Variants in GRM7 observed in about 807,000 individuals in gnomAD.
The protein encoded by GRM7 is glutamate metabotropic receptor 7.
Under a neutral mutation model 84.5 loss-of-function variants are expected in GRM7, and 35 were observed. That is an observed-to-expected ratio of 0.41 (90% CI 0.32 to 0.55). The LOEUF is 0.55. Ranked by LOEUF, GRM7 falls within the 20% of genes least tolerant of loss-of-function variation. The pLI is 0.19. For synonymous variants in GRM7, 487 were observed against 455.1 expected, an observed-to-expected ratio of 1.07 and a Z score of -0.89; for missense variants, 1,003 against 1,194.6, an observed-to-expected ratio of 0.84 and a Z score of 2.36.
At chr3:7,238,444 C>G (rs1331070012) in intron 2 of GRM7, among the ~76,000 whole-genome samples, 1 of 152,118 alleles carries the variant, frequency 6.6e-6, no homozygotes, top group Non-Finnish European at 1.5e-5. Flanking sequence ...TTTTTCACCA[C>G]TCCCCACTGT....
rs560037463 is a variant in GRM7 at position 7,277,749 on chromosome 3, G to A, written c.737-20935G>A. 3.0e-4 allele frequency among the ~76,000 whole-genome samples: 45 copies of A among 151,752 alleles called. No individual in the cohort carries two copies. In the East Asian group the frequency reaches 4.6e-3, roughly 16 times the overall value. On this transcript the variant is annotated intron_variant, in intron 2 of 9. Coordinates refer to ENST00000357716, the MANE Select transcript of GRM7 (RefSeq NM_000844.4). ...TTTGTACAGGTTGTTTTTGGATTAC[G>A]GTATGTTAAAATGGAAATGAAAGAT...
chr3:7,184,072 A>G (rs1263532717), intron 2 of GRM7, among the ~76,000 whole-genome samples: 1 of 152,162 alleles, frequency 6.6e-6, no homozygotes, highest in Non-Finnish European at 1.5e-5. Flanking sequence ...TAGTCTTATG[A>G]CAAGGAGGAG....
intron 8 of GRM7, among the ~76,000 whole-genome samples, chr3:7,653,913 T>C (rs1251965837): frequency 6.6e-6 from 1 of 152,036 alleles, no homozygotes; most frequent in Non-Finnish European, 1.5e-5. Context: ...GGGGCCAGGG[T>C]TCTAAGACCA....
chr3:7,370,407 T>G (rs561091973), intron 4 of GRM7, among the ~76,000 whole-genome samples: 1 of 152,124 alleles, frequency 6.6e-6, no homozygotes, highest in East Asian at 1.9e-4. Flanking sequence ...GAATTGTAGT[T>G]CCCATAATTC....
At chr3:7,129,644 G>A (rs781178770) in intron 1 of GRM7, among the ~76,000 whole-genome samples, 1 of 152,002 alleles carries the variant, frequency 6.6e-6, no homozygotes, top group African/African-American at 2.4e-5. Flanking sequence ...CTGCTTGAGA[G>A]ATGAGTTCAT....
At position 6,862,846 on chromosome 3, in the gene GRM7, C is replaced by A. The variant is rs1284311170; in HGVS notation, c.519+939C>A. 3.0e-6 allele frequency: 1 copy of A among 331,306 alleles called. No individual in the cohort carries two copies. The highest frequency in any genetic ancestry group is 6.0e-6 in the Non-Finnish European group (1 of 166,164). 20.5% of individuals were successfully genotyped at this position (331,306 alleles called of 1,614,324 possible). On this transcript the variant is annotated intron_variant, in intron 1 of 9. Transcript: ENST00000357716. This position sits in a 1 kb window ranked among gnomAD's most constrained non-coding sequence, Gnocchi z 5.2. ...TTGGGAGGCAGAGGGGTGCGTGAAG[C>A]GGGGCCCCGTGGTCCTCCTGCTCCG...
rs1328325194 is a variant in GRM7 at position 7,740,620 on chromosome 3, GC to G, written c.*216del. 1 of 410,418 alleles carries G rather than the reference GC, an allele frequency of 2.4e-6. No homozygotes were observed. Among genetic ancestry groups the G allele is most frequent in the African/African-American group, 2.1e-5 (1 of 48,156 alleles). 25.4% of individuals were successfully genotyped at this position (410,418 alleles called of 1,614,324 possible). ...TTAATAAGTCACTGACATCAGCACTGCCAACTCGGCTGCAATTGTGGACCTT... is the reference window on the plus strand; with the variant it reads ...TTAATAAGTCACTGACATCAGCACTGCAACTCGGCTGCAATTGTGGACCTT... On this transcript the variant is annotated 3_prime_UTR_variant, in exon 10 of 10. Transcript: ENST00000357716.
chr3:7,233,372 C>G (rs958611383), intron 2 of GRM7, among the ~76,000 whole-genome samples: 2 of 152,086 alleles, frequency 1.3e-5, no homozygotes, highest in African/African-American at 4.8e-5. Flanking sequence ...ATATCAGTGA[C>G]TAATCCTCTA....
intron 5 of GRM7, among the ~76,000 whole-genome samples, chr3:7,429,479 T>C (rs1362969950): frequency 6.6e-6 from 1 of 152,186 alleles, no homozygotes; most frequent in African/African-American, 2.4e-5. Flanking sequence ...ACTTGCAAGG[T>C]TGAATATTTT....
rs151312130 is a variant in GRM7 at position 7,411,274 on chromosome 3, A to G, written c.1034-3749A>G. 5.0e-3 allele frequency among the ~76,000 whole-genome samples: 756 copies of G among 152,316 alleles called. 4 individuals carry two copies. Among genetic ancestry groups the G allele is most frequent in the Admixed American group, 6.3e-3 (96 of 15,294 alleles). On this transcript the variant is annotated intron_variant, in intron 4 of 9. Coordinates refer to ENST00000357716, the MANE Select transcript of GRM7 (RefSeq NM_000844.4). ...ATTCACAAGTTTAGGGGGTTAGGAC[A>G]TGGACATTTTTTAAGAGCCAAATTT...
chr3:7,337,953 A>G (rs1400936947), intron 4 of GRM7, among the ~76,000 whole-genome samples: 1 of 152,004 alleles, frequency 6.6e-6, no homozygotes, highest in Non-Finnish European at 1.5e-5. Context: ...TTGCACATGC[A>G]TGTTTATAGT....
chr3:7,660,794 T>A (rs971887607), intron 8 of GRM7, among the ~76,000 whole-genome samples: 1 of 151,636 alleles, frequency 6.6e-6, no homozygotes, highest in East Asian at 1.9e-4. Flanking sequence ...TCATTAGAAC[T>A]GAGTAGAGTC....
rs775987331 is a variant in GRM7, at chr3:7,074,666, T to C, written c.520-71786T>C. ...ATTGTATTTTTACTTTGTTCTATAA[T>C]AATCAGTGACAGGCTGGAGAATTTA... On this transcript the variant is annotated intron_variant, in intron 1 of 9. Transcript: ENST00000357716. Among the ~76,000 whole-genome samples the C allele has an allele frequency of 6.6e-5, 10 of 152,342 alleles. No homozygotes were observed. The South Asian group carries it at 1.0e-3, about 16-fold the overall frequency.
In GRM7 at chr3:7,613,799, G is replaced by C. The variant is rs577110881; in HGVS notation, c.2451+34442G>C. ...TCAAGACCTCACATTTTAATATTTT[G>C]ACAGATATACATACTGTATCTTGTA... On this transcript the variant is annotated intron_variant, in intron 8 of 9. Coordinates refer to ENST00000357716, the MANE Select transcript of GRM7 (RefSeq NM_000844.4). Among the ~76,000 whole-genome samples, 10 of 152,168 alleles carry C rather than the reference G, an allele frequency of 6.6e-5. No individual in the cohort carries two copies. In the South Asian group the frequency reaches 1.9e-3, roughly 28 times the overall value.
chr3:6,950,695 G>A (rs562690060), intron 1 of GRM7, among the ~76,000 whole-genome samples: 2 of 152,324 alleles, frequency 1.3e-5, no homozygotes, highest in Admixed American at 1.3e-4. Context: ...GAGCTGTGGT[G>A]GGCTCCACCC....
Position 6,890,779 on chromosome 3 carries a change from G to C in GRM7, c.519+28872G>C, listed in dbSNP as rs147898203. Among the ~76,000 whole-genome samples the C allele has an allele frequency of 4.9e-3, 739 of 151,570 alleles. 6 individuals are homozygous for C. The highest frequency in any genetic ancestry group is 0.017 in the African/African-American group (682 of 41,288). On this transcript the variant is annotated intron_variant, in intron 1 of 9. Transcript: ENST00000357716. ...GGTGTAGAGCTGAGTTCAATTCCTG[G>C]GTATCCTTGTTAAATTTCTGTCTCG...
chr3:6,913,160 A>G (rs956071126), intron 1 of GRM7, among the ~76,000 whole-genome samples: 3 of 152,268 alleles, frequency 2.0e-5, no homozygotes, highest in Admixed American at 1.3e-4. Context: ...ATCTTTTAAT[A>G]TATGTAGCTA....
intron 8 of GRM7, among the ~76,000 whole-genome samples, chr3:7,631,308 G>T (rs775488844): frequency 6.6e-6 from 1 of 152,250 alleles, no homozygotes; most frequent in Non-Finnish European, 1.5e-5. Context: ...TTGGTGCCTC[G>T]GGTAGAAGTA....
At chr3:7,083,562 C>T (rs1294155320) in intron 1 of GRM7, among the ~76,000 whole-genome samples, 1 of 152,064 alleles carries the variant, frequency 6.6e-6, no homozygotes. Flanking sequence ...AGTAGGTGCT[C>T]TTGCTAATTC....
Sources: allele counts gnomAD v4.1 joint callset (sites outside exome capture counted in the v4.1 genomes callset), GRCh38; gene constraint gnomAD v4.1.1; non-coding constraint Gnocchi (gnomAD v3.1); transcripts MANE v1.5; gene names NCBI Gene and HGNC (gene_info 2026-07-23, HGNC 2026-07-21).